Variants in LAMA2 observed in about 807,000 individuals in gnomAD.
LAMA2 encodes the protein laminin subunit alpha-2.
A neutral mutation model predicts 364.8 loss-of-function variants in LAMA2; 269 were observed. The observed-to-expected ratio is 0.74, with a 90% confidence interval of 0.67 to 0.82. LAMA2 has a LOEUF of 0.82. LAMA2 is among the 40% of genes least tolerant of loss of function. LAMA2 has a pLI of 0.00. For synonymous variants in LAMA2, 1,379 were observed against 1,370.6 expected (o/e 1.01, Z -0.14); for missense variants, 3,807 against 3,873.2 (o/e 0.98, Z 0.45).
At chr6:129,361,754 A>T (rs1777472275) in intron 32 of LAMA2, among the ~76,000 whole-genome samples, 2 of 146,814 alleles carry the variant, frequency 1.4e-5, no homozygotes, top group Admixed American at 1.4e-4. Context: ...TCTTAATGTG[A>T]GGTGTGGCAA....
At chr6:129,031,217 A>G (rs968611950) in intron 1 of LAMA2, among the ~76,000 whole-genome samples, 1 of 152,240 alleles carries the variant, frequency 6.6e-6, no homozygotes, top group Admixed American at 6.5e-5. Context: ...AAGTATTTTC[A>G]TAGATATACT....
intron 1 of LAMA2, among the ~76,000 whole-genome samples, chr6:129,043,252 C>T (rs1162928161): frequency 6.6e-6 from 1 of 152,032 alleles, no homozygotes; most frequent in Non-Finnish European, 1.5e-5. Context: ...TCTCACCCAC[C>T]ATTTCTTTAT....
intron 1 of LAMA2, among the ~76,000 whole-genome samples, chr6:128,885,082 C>T (rs1443871365): frequency 6.6e-6 from 1 of 152,116 alleles, no homozygotes; most frequent in Non-Finnish European, 1.5e-5. Context: ...TGTCAAGATA[C>T]CACTTAAATG....
intron 29 of LAMA2, among the ~76,000 whole-genome samples, chr6:129,337,000 G>T (rs1200999693): frequency 1.3e-5 from 2 of 152,160 alleles, no homozygotes; most frequent in East Asian, 1.9e-4. Flanking sequence ...TAATAGAAAA[G>T]ATTTGAACTC....
At chr6:128,980,733 T>C (rs1405151041) in intron 1 of LAMA2, among the ~76,000 whole-genome samples, 1 of 152,202 alleles carries the variant, frequency 6.6e-6, no homozygotes, top group African/African-American at 2.4e-5. Flanking sequence ...CACAAAGACT[T>C]AGTGAACTGC....
chr6:129,204,628 T>C (rs1782504537), intron 12 of LAMA2, among the ~76,000 whole-genome samples: 1 of 152,224 alleles, frequency 6.6e-6, no homozygotes, highest in Admixed American at 6.5e-5. Flanking sequence ...GATACCTTGA[T>C]TTCAGACTTG....
intron 1 of LAMA2, among the ~76,000 whole-genome samples, chr6:128,931,992 A>G (rs931665589): frequency 4.6e-5 from 7 of 152,210 alleles, no homozygotes; most frequent in African/African-American, 1.7e-4. Flanking sequence ...CTGTATATGT[A>G]TCAAAGTCCA....
chr6:129,088,488 ACCTC>A lies in LAMA2; in HGVS notation c.397-9678_397-9675del, dbSNP rs1290313165. ...GGGGTGGCCGGTAGAGGCGCCCCCC[ACCTC>A]CCTCCCAGACGGGGTGGCTGGCCAG... On this transcript the variant is annotated intron_variant, in intron 3 of 64. Transcript: ENST00000421865. 1.9e-3 allele frequency among the ~76,000 whole-genome samples: 268 copies of A among 139,458 alleles called. 2 individuals carry two copies. The highest frequency in any genetic ancestry group is 6.9e-3 in the African/African-American group (253 of 36,766). 91.5% of individuals were successfully genotyped at this position (139,458 alleles called of 152,430 possible). A position where few individuals can be genotyped will look rare whatever the true frequency, so the allele number is the denominator to read the frequency against.
chr6:129,208,161 G>A (rs1469966645), intron 12 of LAMA2, among the ~76,000 whole-genome samples: 1 of 152,122 alleles, frequency 6.6e-6, no homozygotes, highest in East Asian at 1.9e-4. Context: ...ATTTAGCACA[G>A]GAAAGGAAAT....
intron 32 of LAMA2, among the ~76,000 whole-genome samples, chr6:129,357,388 C>A (rs1777206977): frequency 6.6e-6 from 1 of 151,852 alleles, no homozygotes; most frequent in Admixed American, 6.6e-5. Flanking sequence ...ATAAAAATTG[C>A]CTGAAATAGC....
chr6:129,402,559 T>C (rs1024539438), intron 39 of LAMA2, 72 bp downstream of exon 39: 2 of 1,406,582 alleles, frequency 1.4e-6, no homozygotes, highest in South Asian at 1.2e-5. Flanking sequence ...GCATAAATAG[T>C]AGAGAATCAT....
intron 48 of LAMA2, 88 bp from the exon 49 acceptor site, chr6:129,460,112 A>C (rs1783173349): frequency 1.2e-5 from 15 of 1,210,242 alleles, no homozygotes; most frequent in Middle Eastern, 2.0e-4. Context: ...TGATAACTTT[A>C]GTTTCTGCTG....
intron 28 of LAMA2, among the ~76,000 whole-genome samples, chr6:129,325,499 A>T (rs1042847269): frequency 2.6e-5 from 4 of 152,104 alleles, no homozygotes; most frequent in African/African-American, 4.8e-5. Flanking sequence ...TTGAAAGAAT[A>T]GTGCAAAATA....
At chr6:128,937,466 C>T (rs929123701) in intron 1 of LAMA2, among the ~76,000 whole-genome samples, 5 of 151,938 alleles carry the variant, frequency 3.3e-5, no homozygotes, top group African/African-American at 1.2e-4. Flanking sequence ...TCTCCTTACT[C>T]ATTATCAGGT....
intron 1 of LAMA2, among the ~76,000 whole-genome samples, chr6:128,978,462 C>A (rs1036995525): frequency 6.6e-6 from 1 of 151,536 alleles, no homozygotes; most frequent in Admixed American, 6.6e-5. Flanking sequence ...GGATTACAGG[C>A]GCCTGCCACC....
intron 1 of LAMA2, among the ~76,000 whole-genome samples, chr6:129,012,962 A>T (rs1427697632): frequency 6.6e-6 from 1 of 152,192 alleles, no homozygotes. Flanking sequence ...CTCAATGAGC[A>T]GCTGAATTTC....
intron 4 of LAMA2, among the ~76,000 whole-genome samples, chr6:129,127,957 C>G (rs1777214808): frequency 6.6e-6 from 1 of 152,004 alleles, no homozygotes; most frequent in African/African-American, 2.4e-5. Flanking sequence ...TAGTTTGTCT[C>G]TTCACATTGT....
At chr6:129,158,129 C>T (rs1779233690) in intron 8 of LAMA2, 7 of 1,612,422 alleles carry the variant, frequency 4.3e-6, no homozygotes, top group Non-Finnish European at 5.9e-6. Flanking sequence ...CCAATTTAAG[C>T]AGGGCTCTGG....
At chr6:129,320,764 A>C in intron 28 of LAMA2, 109 bp downstream of exon 28, 1 of 713,206 alleles carries the variant, frequency 1.4e-6, no homozygotes, top group African/African-American at 1.7e-5. Context: ...TATTTTATTT[A>C]ATCTTCCACT....
Sources: gnomAD v4.1 joint callset for allele counts (sites outside exome capture counted in the v4.1 genomes callset) on GRCh38, gnomAD v4.1.1 for gene constraint, MANE v1.5 for transcripts, NCBI Gene and HGNC (gene_info 2026-07-23, HGNC 2026-07-21) for gene names.